STRIP2: variants seen among roughly 807,000 people sequenced by gnomAD.
STRIP2 encodes the protein striatin interacting protein 2.
Under a neutral mutation model 107.1 loss-of-function variants are expected in STRIP2, and 84 were observed. The ratio of observed to expected loss-of-function variants is 0.78; its 90% CI spans 0.66 to 0.94. STRIP2 has a LOEUF of 0.94. Ranked by LOEUF, STRIP2 falls within the 40% of genes least tolerant of loss-of-function variation. The probability of loss-of-function intolerance (pLI) is 0.00; values close to 1 mark genes in which losing one functional copy is unlikely to be tolerated. For missense variants in STRIP2, 888 were observed against 1,034.2 expected, an observed-to-expected ratio of 0.86 and a Z score of 1.94; for synonymous variants, 394 against 400.4, an observed-to-expected ratio of 0.98 and a Z score of 0.19.
At chr7:129,463,549 G>T (rs1798598067) in intron 14 of STRIP2, among the ~76,000 whole-genome samples, 1 of 151,338 alleles carries the variant, frequency 6.6e-6, no homozygotes, top group Non-Finnish European at 1.5e-5. Flanking sequence ...AGGCTGGAGT[G>T]CAGTGGCACG....
intron 1 of STRIP2, among the ~76,000 whole-genome samples, chr7:129,437,126 T>C (rs1797761770): frequency 6.6e-6 from 1 of 152,214 alleles, no homozygotes; most frequent in Non-Finnish European, 1.5e-5. Flanking sequence ...AACCTGTTAA[T>C]TGAGGCTAAA....
intron 15 of STRIP2, 51 bp from the exon 16 acceptor site, chr7:129,464,561 G>A: frequency 6.2e-7 from 1 of 1,607,260 alleles, no homozygotes; most frequent in Non-Finnish European, 8.5e-7. Flanking sequence ...ATCCCTACAG[G>A]GCTCCCTTTA....
chr7:129,462,799 T>C (rs1479406680), intron 13 of STRIP2, among the ~76,000 whole-genome samples, 167 bp from the exon 14 acceptor site: 1 of 152,134 alleles, frequency 6.6e-6, no homozygotes. Flanking sequence ...AGAAAAGGAA[T>C]GTGACTTAAC....
At chr7:129,482,375 ATATT>A (rs1426810403) in intron 19 of STRIP2, among the ~76,000 whole-genome samples, 39 of 80,082 alleles carry the variant, frequency 4.9e-4, no homozygotes, top group South Asian at 2.5e-3. Flanking sequence ...ATATATATAT[ATATT>A]TTTTTTTTTT....
rs150894421 is a variant in STRIP2 at position 129,463,205 on chromosome 7, T to C, written c.1551+165T>C. 7.7e-3 allele frequency among the ~76,000 whole-genome samples: 1,168 copies of C among 152,334 alleles called. 12 individuals are homozygous for C. The highest frequency in any genetic ancestry group is 0.027 in the African/African-American group (1,116 of 41,570). On this transcript the variant is annotated intron_variant, in intron 14 of 20. Coordinates refer to ENST00000249344, the MANE Select transcript of STRIP2 (RefSeq NM_020704.3). ...GCAAATTCTGAGCTTTCCTCAGTGCTCCTCTGATGGTGCTGTTCTCCCTAG... is the reference window on the plus strand; with the variant it reads ...GCAAATTCTGAGCTTTCCTCAGTGCCCCTCTGATGGTGCTGTTCTCCCTAG...
intron 3 of STRIP2, among the ~76,000 whole-genome samples, chr7:129,449,890 TTCA>T (rs1427056177): frequency 6.6e-6 from 1 of 152,126 alleles, no homozygotes; most frequent in African/African-American, 2.4e-5. Context: ...AATCCCTGAG[TTCA>T]TCATTTTCTT....
chr7:129,471,832 AC>A (rs139183558), intron 18 of STRIP2, among the ~76,000 whole-genome samples: 2,183 of 152,240 alleles, frequency 0.014, 47 homozygotes, highest in African/African-American at 0.048. Context: ...ACCCTTTTTT[AC>A]CACTGGGATA....
chr7:129,481,313 A>G (rs1799110710), intron 19 of STRIP2, among the ~76,000 whole-genome samples: 1 of 151,976 alleles, frequency 6.6e-6, no homozygotes, highest in Non-Finnish European at 1.5e-5. Flanking sequence ...CCTGACCAAC[A>G]TGGTGAAACT....
intron 1 of STRIP2, 121 bp from the exon 2 acceptor site, chr7:129,439,901 C>G (rs894307063): frequency 6.5e-6 from 5 of 769,428 alleles, no homozygotes; most frequent in Non-Finnish European, 1.1e-5. Flanking sequence ...ACTCTCCTAA[C>G]TGTCTCCCTG....
Position 129,485,652 on chromosome 7 carries a change from C to T in STRIP2, c.2328C>T (p.Ser776=). 1 of 1,613,988 alleles carries T rather than the reference C, an allele frequency of 6.2e-7. No homozygotes were observed. The highest frequency in any genetic ancestry group is 8.5e-7 in the Non-Finnish European group (1 of 1,180,018). The stretch of plus-strand genomic sequence containing the variant: ...GGGCCAACATTGAGGCTTTTAACAG[C>T]CGTCGCTATGACAGACCCCAGGACT... ...TLRANIEAFN[S]RRYDRPQDSE... The change falls in exon 21 of 21, where the codon AGC becomes AGT. Residue 776 remains serine, a synonymous_variant. Transcript: ENST00000249344.
At chr7:129,455,999 AT>A (rs1463640040) in intron 8 of STRIP2, among the ~76,000 whole-genome samples, 2 of 152,186 alleles carry the variant, frequency 1.3e-5, no homozygotes, top group Non-Finnish European at 2.9e-5. Context: ...GTTACTAGTT[AT>A]TCAACCTGAT....
rs573930004 is a variant in STRIP2, at chr7:129,467,198, TC to T, written c.1777-149del. 39 of 615,024 alleles carry T rather than the reference TC, an allele frequency of 6.3e-5. No individual in the cohort carries two copies. In the East Asian group the frequency reaches 1.0e-3, roughly 16 times the overall value. The allele number at this position is 615,024 out of a possible 1,614,324, so 38.1% of individuals were successfully genotyped here. On this transcript the variant is annotated intron_variant, in intron 16 of 20. Coordinates refer to ENST00000249344, the MANE Select transcript of STRIP2 (RefSeq NM_020704.3). The stretch of plus-strand genomic sequence containing the variant: ...GGATGGGCTGGCTGAAGATGATTCT[TC>T]CCATTTCCCAGACAGGAAGACTGAT...
intron 5 of STRIP2, among the ~76,000 whole-genome samples, chr7:129,453,582 C>T (rs1798258794): frequency 6.6e-6 from 1 of 152,174 alleles, no homozygotes; most frequent in African/African-American, 2.4e-5. Context: ...CAGCTTTAAT[C>T]CTGGGCTTCA....
intron 20 of STRIP2, 73 bp from the exon 21 acceptor site, chr7:129,485,506 T>A: frequency 4.0e-6 from 6 of 1,497,130 alleles, no homozygotes; most frequent in Non-Finnish European, 5.5e-6. Context: ...TGGAATCCCA[T>A]AGACCATGCT....
intron 3 of STRIP2, among the ~76,000 whole-genome samples, chr7:129,449,344 G>A (rs1405300002): frequency 6.6e-6 from 1 of 152,124 alleles, no homozygotes; most frequent in African/African-American, 2.4e-5. Context: ...TCACCTCTAG[G>A]GGCCTGCCAG....
chr7:129,475,553 C>CTTTTTTTTT (rs1292595061), intron 18 of STRIP2, among the ~76,000 whole-genome samples: 22 of 35,956 alleles, frequency 6.1e-4, no homozygotes, highest in East Asian at 2.5e-3. Context: ...CTTTTTTTTT[C>CTTTTTTTTT]TTTTTTTTTT....
intron 3 of STRIP2, among the ~76,000 whole-genome samples, chr7:129,449,445 T>G (rs1798123340): frequency 1.3e-5 from 2 of 152,156 alleles, no homozygotes; most frequent in African/African-American, 2.4e-5. Context: ...GGCAACTGTT[T>G]CAGGGCAACT....
chr7:129,477,141 G>A (rs965236190), intron 18 of STRIP2, among the ~76,000 whole-genome samples: 1 of 147,408 alleles, frequency 6.8e-6, no homozygotes, highest in Non-Finnish European at 1.5e-5. Flanking sequence ...TCCAGCTTCC[G>A]CTCGGCATCA....
At chr7:129,482,081 G>A (rs1236799921) in intron 19 of STRIP2, among the ~76,000 whole-genome samples, 5 of 152,084 alleles carry the variant, frequency 3.3e-5, no homozygotes, top group Non-Finnish European at 7.4e-5. Flanking sequence ...GAACCCAGGA[G>A]GTTGAGGTTG....
Sources: gnomAD v4.1 joint callset for allele counts (sites outside exome capture counted in the v4.1 genomes callset) on GRCh38, gnomAD v4.1.1 for gene constraint, MANE v1.5 for transcripts, NCBI Gene and HGNC (gene_info 2026-07-23, HGNC 2026-07-21) for gene names.